Variants in VKORC1L1 observed in about 807,000 individuals in gnomAD.
VKORC1L1 encodes vitamin K epoxide reductase complex subunit 1-like protein 1.
Under a neutral mutation model 18.9 loss-of-function variants are expected in VKORC1L1, and 2 were observed. The ratio of observed to expected loss-of-function variants is 0.11; its 90% CI spans 0.04 to 0.33. The LOEUF (loss-of-function observed/expected upper bound fraction) is 0.33. Ranked by LOEUF, VKORC1L1 falls within the 10% of genes least tolerant of loss-of-function variation. The pLI is 1.00. For missense variants in VKORC1L1, 123 were observed against 224.1 expected (o/e 0.55, Z 2.88); for synonymous variants, 96 against 100.0 (o/e 0.96, Z 0.24).
At position 65,946,850 on chromosome 7, in the gene VKORC1L1, T is replaced by A. The variant is rs965918751; in HGVS notation, c.195-1821T>A. On this transcript the variant is annotated intron_variant, in intron 1 of 2. Transcript: ENST00000360768. The stretch of plus-strand genomic sequence containing the variant: ...TTTTATGTTCTTTGAAATGTATAAC[T>A]GAAGGCTGGGTGTCATAGCTCAGCC... Among the ~76,000 whole-genome samples, 57 of 152,112 alleles carry A rather than the reference T, an allele frequency of 3.7e-4. 1 individual carries two copies. The highest frequency in any genetic ancestry group is 1.3e-4 in the Non-Finnish European group (9 of 68,028).
In VKORC1L1 at chr7:65,939,206, G is replaced by A. The variant is rs548565474; in HGVS notation, c.195-9465G>A. 3.5e-4 allele frequency among the ~76,000 whole-genome samples: 54 copies of A among 152,364 alleles called. No individual in the cohort carries two copies. The East Asian group carries it at 7.1e-3, about 20-fold the overall frequency. ...AACCTTTGATGACCACGACTCCGTGGATAAGATTGTCATTCAGAAATACTA... is the reference window on the plus strand; with the variant it reads ...AACCTTTGATGACCACGACTCCGTGAATAAGATTGTCATTCAGAAATACTA... On this transcript the variant is annotated intron_variant, in intron 1 of 2. Transcript: ENST00000360768.
chr7:65,927,647 G>C (rs761758328), intron 1 of VKORC1L1, among the ~76,000 whole-genome samples: 1 of 152,110 alleles, frequency 6.6e-6, no homozygotes, highest in Non-Finnish European at 1.5e-5. Flanking sequence ...GTTGCTCATT[G>C]GCTGAGTACT....
chr7:65,957,109 G>A lies in VKORC1L1; in HGVS notation c.*2809G>A, dbSNP rs1478487552. ...AACTAGCTGTGTGCCCAGAATCACTGTTCCTTCATACATGTGTCCTCTCCT... is the reference window on the plus strand; with the variant it reads ...AACTAGCTGTGTGCCCAGAATCACTATTCCTTCATACATGTGTCCTCTCCT... On this transcript the variant is annotated 3_prime_UTR_variant, in exon 3 of 3. Transcript: ENST00000360768. The A allele has an allele frequency of 6.6e-6, 1 of 152,228 alleles. No individual in the cohort carries two copies. The highest frequency in any genetic ancestry group is 1.5e-5 in the Non-Finnish European group (1 of 68,038). The allele number at this position is 152,228 out of a possible 1,614,324, so 9.4% of individuals were successfully genotyped here. A position where few individuals can be genotyped will look rare whatever the true frequency, so the allele number is the denominator to read the frequency against.
intron 1 of VKORC1L1, among the ~76,000 whole-genome samples, chr7:65,944,416 T>C (rs547185814): frequency 8.6e-5 from 13 of 151,926 alleles, no homozygotes; most frequent in Non-Finnish European, 1.5e-4. Context: ...GTGATGAGTA[T>C]GTAGAGGTGG....
chr7:65,918,714 A>C (rs953829894), intron 1 of VKORC1L1, among the ~76,000 whole-genome samples: 9 of 152,248 alleles, frequency 5.9e-5, no homozygotes, highest in Non-Finnish European at 1.2e-4. Flanking sequence ...AACTGAGAAA[A>C]TATATGTCGT....
At chr7:65,939,937 T>TG (rs1383561884) in intron 1 of VKORC1L1, among the ~76,000 whole-genome samples, 2 of 152,186 alleles carry the variant, frequency 1.3e-5, no homozygotes, top group Admixed American at 1.3e-4. Context: ...TTTGCACCCA[T>TG]GCTGTTGATT....
chr7:65,897,027 C>A (rs1329111682), intron 1 of VKORC1L1, among the ~76,000 whole-genome samples: 1 of 152,146 alleles, frequency 6.6e-6, no homozygotes, highest in Non-Finnish European at 1.5e-5. Context: ...AATAAACAGA[C>A]AACCTAGACA....
rs751294880 is a variant in VKORC1L1, at chr7:65,873,470, C to T, written c.99C>T (p.Ala33=). ...CAAGILLSIY[A]YHVEREKERD... is the part of the protein sequence containing the mutation. Reference sequence around the variant, plus strand: ...CCGGAATCCTGCTCTCCATCTACGCCTACCACGTGGAGCGGGAGAAGGAGC... The same window carrying T: ...CCGGAATCCTGCTCTCCATCTACGCTTACCACGTGGAGCGGGAGAAGGAGC... The change falls in exon 1 of 3, where the codon GCC becomes GCT. Residue 33 remains alanine, a synonymous_variant. Transcript: ENST00000360768. The T allele has an allele frequency of 2.5e-6, 4 of 1,597,392 alleles. No homozygotes were observed. Among genetic ancestry groups the T allele is most frequent in the South Asian group, 1.1e-5 (1 of 90,272 alleles).
In VKORC1L1 at chr7:65,947,836, G is replaced by A. The variant is rs11771268; in HGVS notation, c.195-835G>A. Among the ~76,000 whole-genome samples, 1,198 of 152,102 alleles carry A rather than the reference G, an allele frequency of 7.9e-3. 5 individuals are homozygous for A. Among genetic ancestry groups the A allele is most frequent in the Middle Eastern group, 0.017 (5 of 294 alleles). The stretch of plus-strand genomic sequence containing the variant: ...CTCCCAACTAGCTGGGATTACAGGT[G>A]CACACCACCATGTCCGGCTAATTTT... On this transcript the variant is annotated intron_variant, in intron 1 of 2. Transcript: ENST00000360768.
At chr7:65,920,044 C>G (rs559141934) in intron 1 of VKORC1L1, among the ~76,000 whole-genome samples, 32 of 152,136 alleles carry the variant, frequency 2.1e-4, no homozygotes, top group African/African-American at 7.5e-4. Flanking sequence ...TGTTACTCTT[C>G]CCTTCTTACA....
chr7:65,884,284 C>T (rs1397035732), intron 1 of VKORC1L1, among the ~76,000 whole-genome samples: 4 of 152,132 alleles, frequency 2.6e-5, no homozygotes, highest in East Asian at 1.9e-4. Context: ...ACTCATAAAA[C>T]ATAGTTACTG....
rs1218618177 is a variant in VKORC1L1 at position 65,890,745 on chromosome 7, T to C, written c.194+17180T>C. Among the ~76,000 whole-genome samples, 4 of 152,252 alleles carry C rather than the reference T, an allele frequency of 2.6e-5. No individual in the cohort carries two copies. In the East Asian group the frequency reaches 7.7e-4, roughly 29 times the overall value. ...GTGAGAATTCCTGTTTATCCACCTC[T>C]TTGCCAAGGCTTAGAATTGTCAGTC... On this transcript the variant is annotated intron_variant, in intron 1 of 2. Transcript: ENST00000360768.
rs1016871805 is a variant in VKORC1L1, at chr7:65,873,117, C to T, written c.-255C>T. On this transcript the variant is annotated 5_prime_UTR_variant, in exon 1 of 3. Transcript: ENST00000360768. ...CGGCCTCTTCGGCCGTTGCGCACTC[C>T]ACCCCCTCCCTCCGCGCCCGCGCGC... is the stretch of plus-strand genomic sequence containing the variant. 63 of 232,284 alleles carry T rather than the reference C, an allele frequency of 2.7e-4. No homozygotes were observed. The highest frequency in any genetic ancestry group is 4.2e-4 in the Non-Finnish European group (59 of 142,010). 14.4% of individuals were successfully genotyped at this position (232,284 alleles called of 1,614,324 possible). A position where few individuals can be genotyped will look rare whatever the true frequency, so the allele number is the denominator to read the frequency against.
At chr7:65,899,314 T>A (rs1304519731) in intron 1 of VKORC1L1, among the ~76,000 whole-genome samples, 6 of 152,194 alleles carry the variant, frequency 3.9e-5, no homozygotes, top group Non-Finnish European at 4.4e-5. Flanking sequence ...CAAATCCACC[T>A]CTTTATCCCA....
At chr7:65,949,825 T>C (rs955325200) in intron 2 of VKORC1L1, among the ~76,000 whole-genome samples, 2 of 152,172 alleles carry the variant, frequency 1.3e-5, no homozygotes, top group Non-Finnish European at 2.9e-5. Context: ...CAACATAGTG[T>C]CGTTTATCCT....
chr7:65,870,852 C>T (rs12532875), upstream of VKORC1L1, among the ~76,000 whole-genome samples: 48,642 of 151,856 alleles, frequency 0.32, 8,772 homozygotes, highest in East Asian at 0.46. Context: ...GCAACGTTGG[C>T]TCATTGCAGC....
At chr7:65,927,476 A>T (rs1429841150) in intron 1 of VKORC1L1, among the ~76,000 whole-genome samples, 3 of 152,034 alleles carry the variant, frequency 2.0e-5, no homozygotes, top group Non-Finnish European at 4.4e-5. Flanking sequence ...TGAGAAACAA[A>T]CTCATCTGTC....
chr7:65,929,219 G>A (rs1789815524), intron 1 of VKORC1L1, among the ~76,000 whole-genome samples: 1 of 152,070 alleles, frequency 6.6e-6, no homozygotes, highest in Non-Finnish European at 1.5e-5. Context: ...GACCAGCCTG[G>A]CCAACATGGT....
chr7:65,936,361 G>A (rs1789942478), intron 1 of VKORC1L1, among the ~76,000 whole-genome samples: 1 of 152,166 alleles, frequency 6.6e-6, no homozygotes, highest in African/African-American at 2.4e-5. Flanking sequence ...TAATCTTGGA[G>A]TGCATCGTCA....
Sources: allele counts gnomAD v4.1 joint callset (sites outside exome capture counted in the v4.1 genomes callset), GRCh38; gene constraint gnomAD v4.1.1; transcripts MANE v1.5; gene names NCBI Gene and HGNC (gene_info 2026-07-23, HGNC 2026-07-21).